Variants in GRIK3 observed in about 807,000 individuals in gnomAD.
GRIK3 encodes the protein glutamate receptor ionotropic, kainate 3.
GRIK3 carries 29 observed loss-of-function variants against 102.5 expected under a neutral mutation model. The observed-to-expected ratio is 0.28, with a 90% CI of 0.21 to 0.39. The LOEUF is 0.39. Ranked by LOEUF, GRIK3 falls within the 10% of genes least tolerant of loss-of-function variation. The pLI is 1.00. For missense variants in GRIK3, 908 were observed against 1,252.4 expected, an observed-to-expected ratio of 0.73 and a Z score of 4.15; for synonymous variants, 511 against 504.9, an observed-to-expected ratio of 1.01 and a Z score of -0.16.
At chr1:36,919,820 G>T (rs956971062) in intron 1 of GRIK3, among the ~76,000 whole-genome samples, 1 of 152,218 alleles carries the variant, frequency 6.6e-6, no homozygotes, top group African/African-American at 2.4e-5. Flanking sequence ...AGTGCCCATG[G>T]CCCCTGGGCC....
chr1:37,031,833 C>T (rs898544513), intron 1 of GRIK3, among the ~76,000 whole-genome samples: 3 of 152,208 alleles, frequency 2.0e-5, no homozygotes, highest in Admixed American at 2.0e-4. Flanking sequence ...AGCTCCCTGG[C>T]TCCAGCTGGG....
chr1:36,962,835 G>C (rs575499742), intron 1 of GRIK3, among the ~76,000 whole-genome samples: 1 of 141,896 alleles, frequency 7.0e-6, no homozygotes, highest in Non-Finnish European at 1.5e-5. Context: ...AGTGAGCCGA[G>C]ATCGTGCCAC....
At chr1:36,843,662 T>C (rs1044067830) in intron 9 of GRIK3, among the ~76,000 whole-genome samples, 5 of 152,198 alleles carry the variant, frequency 3.3e-5, no homozygotes, top group African/African-American at 1.2e-4. Context: ...AGCCTGTTCC[T>C]GGACAACTCT....
chr1:36,851,162 T>G (rs1339250394), intron 8 of GRIK3, among the ~76,000 whole-genome samples: 3 of 151,884 alleles, frequency 2.0e-5, no homozygotes, highest in Admixed American at 2.0e-4. Flanking sequence ...GGGGGGCTAC[T>G]CAGGACACTT....
intron 4 of GRIK3, among the ~76,000 whole-genome samples, chr1:36,870,222 G>A (rs1016300890): frequency 5.9e-5 from 9 of 152,132 alleles, no homozygotes. Flanking sequence ...GAGGCAGTAC[G>A]TTTCCCCCCA....
intron 1 of GRIK3, among the ~76,000 whole-genome samples, chr1:36,961,337 G>A (rs529666553): frequency 6.6e-6 from 1 of 152,334 alleles, no homozygotes; most frequent in South Asian, 2.1e-4. Flanking sequence ...TCCAAAGTCT[G>A]AAATAGCCCA....
chr1:36,910,953 TAA>T (rs1243965891), intron 1 of GRIK3, among the ~76,000 whole-genome samples: 1 of 152,170 alleles, frequency 6.6e-6, no homozygotes. Flanking sequence ...AACCACGGAC[TAA>T]ACACTGGGGA....
chr1:36,892,160 A>G (rs1293363225), intron 1 of GRIK3, among the ~76,000 whole-genome samples: 1 of 152,148 alleles, frequency 6.6e-6, no homozygotes, highest in African/African-American at 2.4e-5. Flanking sequence ...CTGGGACTAC[A>G]GGCACATGCT....
intron 13 of GRIK3, among the ~76,000 whole-genome samples, chr1:36,809,064 T>C (rs1314342179): frequency 1.3e-5 from 2 of 152,124 alleles, no homozygotes; most frequent in African/African-American, 2.4e-5. Context: ...CTCCCTCTAC[T>C]ACTAGAGGTG....
At chr1:36,922,600 TC>T (rs1200378646) in intron 1 of GRIK3, among the ~76,000 whole-genome samples, 1 of 152,170 alleles carries the variant, frequency 6.6e-6, no homozygotes, top group African/African-American at 2.4e-5. Flanking sequence ...CTGGGATTGG[TC>T]CCCAAGACAG....
At chr1:36,805,274 G>A (rs371069989) in intron 14 of GRIK3, 37 bp from the exon 15 acceptor site, 23 of 1,571,626 alleles carry the variant, frequency 1.5e-5, no homozygotes, top group South Asian at 4.8e-5. Flanking sequence ...CATCAGTGGC[G>A]TGTGGCCCAT....
chr1:36,870,776 TA>T (rs1352344728), intron 4 of GRIK3, among the ~76,000 whole-genome samples: 1 of 152,212 alleles, frequency 6.6e-6, no homozygotes, highest in African/African-American at 2.4e-5. Context: ...TCAGTTTCCT[TA>T]CCTATAAATT....
rs975204157 is a variant in GRIK3, at chr1:36,895,283, A to G, written c.116-4187T>C. Among the ~76,000 whole-genome samples, 9 of 152,346 alleles carry G rather than the reference A, an allele frequency of 5.9e-5. 1 individual carries two copies. The highest frequency in any genetic ancestry group is 6.8e-3 in the Middle Eastern group (2 of 294). ...TAAAAACCATAGTTTGAAGAGACAGAGCAAGCATCAGAACCAGATTCAGAT... is the reference window on the plus strand; with the variant it reads ...TAAAAACCATAGTTTGAAGAGACAGGGCAAGCATCAGAACCAGATTCAGAT... On this transcript the variant is annotated intron_variant, in intron 1 of 15. Coordinates refer to ENST00000373091, the MANE Select transcript of GRIK3 (RefSeq NM_000831.4).
chr1:37,032,202 G>A lies in GRIK3; in HGVS notation c.115+1792C>T, dbSNP rs74720794. On this transcript the variant is annotated intron_variant, in intron 1 of 15. Transcript: ENST00000373091. ...CTAACCCATTCAATTTCACAGTAAG[G>A]ATACATCATCCTGCGCCTTCCCAGC... 4.7e-4 allele frequency among the ~76,000 whole-genome samples: 71 copies of A among 152,272 alleles called. No homozygotes were observed. The East Asian group carries it at 0.012, about 25-fold the overall frequency.
chr1:36,912,412 C>A (rs1641356096), intron 1 of GRIK3, among the ~76,000 whole-genome samples: 1 of 152,024 alleles, frequency 6.6e-6, no homozygotes, highest in African/African-American at 2.4e-5. Flanking sequence ...TAGGCCCCAG[C>A]AGAACAGAAC....
chr1:36,910,380 C>T (rs1005690110), intron 1 of GRIK3, among the ~76,000 whole-genome samples: 1 of 152,236 alleles, frequency 6.6e-6, no homozygotes, highest in Non-Finnish European at 1.5e-5. Flanking sequence ...TCTCAGGGCC[C>T]GCCTCCCTGT....
intron 1 of GRIK3, among the ~76,000 whole-genome samples, chr1:36,892,916 A>T (rs532980092): frequency 6.6e-6 from 1 of 152,362 alleles, no homozygotes; most frequent in African/African-American, 2.4e-5. Flanking sequence ...AAAGATGGCT[A>T]GTTCCAATCA....
chr1:36,855,141 G>A (rs1570762094), intron 7 of GRIK3, among the ~76,000 whole-genome samples: 1 of 152,194 alleles, frequency 6.6e-6, no homozygotes, highest in Non-Finnish European at 1.5e-5. Flanking sequence ...CAGCCAGATT[G>A]GGCCAGAGAG....
chr1:36,842,080 T>C, intron 9 of GRIK3, 141 bp from the exon 10 acceptor site: 2 of 702,680 alleles, frequency 2.8e-6, no homozygotes, highest in Admixed American at 2.2e-5. Flanking sequence ...GCCCGTGAAG[T>C]CAGGAGCGGG....
Sources: allele counts gnomAD v4.1 joint callset (sites outside exome capture counted in the v4.1 genomes callset), GRCh38; gene constraint gnomAD v4.1.1; transcripts MANE v1.5; gene names NCBI Gene and HGNC (gene_info 2026-07-23, HGNC 2026-07-21).